Variants in FGFR2 observed in about 807,000 individuals in gnomAD.
FGFR2 encodes the protein fibroblast growth factor receptor 2.
A neutral mutation model predicts 95.9 loss-of-function variants in FGFR2; 19 were observed. That is an observed-to-expected ratio of 0.20 (90% CI 0.14 to 0.29). The LOEUF (loss-of-function observed/expected upper bound fraction) is 0.29. Among genes scored for constraint, FGFR2 ranks in the 10% least tolerant of loss-of-function variants. The pLI is 1.00. For missense variants in FGFR2, 707 were observed against 1,056.9 expected (o/e 0.67, Z 4.59); for synonymous variants, 392 against 393.3 (o/e 1.00, Z 0.04).
intron 5 of FGFR2, among the ~76,000 whole-genome samples, chr10:121,540,287 C>T (rs1023592819): frequency 5.3e-5 from 8 of 152,168 alleles, no homozygotes; most frequent in African/African-American, 1.7e-4. Flanking sequence ...AATGAATCTA[C>T]GGGCATCTGA....
At chr10:121,545,269 T>C (rs1854335113) in intron 5 of FGFR2, among the ~76,000 whole-genome samples, 1 of 152,224 alleles carries the variant, frequency 6.6e-6, no homozygotes, top group African/African-American at 2.4e-5. Flanking sequence ...GCCATTACTT[T>C]CATTATGTTT....
At position 121,560,615 on chromosome 10, in the gene FGFR2, C is replaced by CAAAAAAAA. The variant is rs34753296; in HGVS notation, c.454+3879_454+3886dup. 4.2e-4 allele frequency among the ~76,000 whole-genome samples: 22 copies of CAAAAAAAA among 51,816 alleles called. 1 individual carries two copies. Among genetic ancestry groups the CAAAAAAAA allele is most frequent in the African/African-American group, 1.4e-3 (20 of 14,518 alleles). 34.0% of individuals were successfully genotyped at this position (51,816 alleles called of 152,430 possible). A position where few individuals can be genotyped will look rare whatever the true frequency, so the allele number is the denominator to read the frequency against. On this transcript the variant is annotated intron_variant, in intron 4 of 17. Transcript: ENST00000358487. ...GGGCAACAGAGCAAGACTCCGTCCC[C>CAAAAAAAA]AAAAAAAAAAAAAAAAAAAAAAAAA...
chr10:121,525,627 GAGA>G (rs879403539), intron 6 of FGFR2, among the ~76,000 whole-genome samples: 352 of 4,670 alleles, frequency 0.075, 6 homozygotes, highest in East Asian at 0.52. Context: ...TATTGAGGGA[GAGA>G]GAGAGAGAGA....
chr10:121,581,959 G>GTCTC (rs1860997677), intron 2 of FGFR2, among the ~76,000 whole-genome samples: 1 of 149,170 alleles, frequency 6.7e-6, no homozygotes, highest in Admixed American at 6.7e-5. Context: ...TTGAGACAGA[G>GTCTC]TCTCACCCTG....
intron 17 of FGFR2, among the ~76,000 whole-genome samples, chr10:121,480,843 C>T (rs369489498): frequency 1.1e-4 from 17 of 151,850 alleles, no homozygotes; most frequent in African/African-American, 3.6e-4. Flanking sequence ...ACACTTCCTC[C>T]GACTTGGGTG....
At chr10:121,519,817 T>C (rs777695606) in intron 7 of FGFR2, 162 bp downstream of exon 7, 8 of 654,218 alleles carry the variant, frequency 1.2e-5, no homozygotes, top group Non-Finnish European at 2.1e-5. Context: ...GAAATTCTAC[T>C]AGCAAGTGTA....
At chr10:121,514,713 T>C (rs1255632052) in intron 9 of FGFR2, among the ~76,000 whole-genome samples, 5 of 152,202 alleles carry the variant, frequency 3.3e-5, no homozygotes, top group African/African-American at 1.2e-4. Context: ...TTCGTACTAG[T>C]GGCATAAGTC....
chr10:121,564,379 G>A (rs570583096), intron 4 of FGFR2, 123 bp downstream of exon 4: 58 of 861,802 alleles, frequency 6.7e-5, no homozygotes, highest in East Asian at 1.7e-4. Context: ...TAGACACAGC[G>A]GGGAAAGGCA....
At position 121,517,941 on chromosome 10, in the gene FGFR2, T is replaced by C. The variant is rs186111141; in HGVS notation, c.940-478A>G. 13 of 379,230 alleles carry C rather than the reference T, an allele frequency of 3.4e-5. No homozygotes were observed. The highest frequency in any genetic ancestry group is 1.5e-4 in the Admixed American group (4 of 26,602). 23.5% of individuals were successfully genotyped at this position (379,230 alleles called of 1,614,324 possible). Reference sequence around the variant, plus strand: ...ATCCTCCTGGCCCTGTGGGAACCAATTGGGGTGGAAGGTTGTCTTGGTTAC... The same window carrying C: ...ATCCTCCTGGCCCTGTGGGAACCAACTGGGGTGGAAGGTTGTCTTGGTTAC... On this transcript the variant is annotated intron_variant, in intron 7 of 17. Transcript: ENST00000358487. The surrounding 1 kb of genome is among the most constrained non-coding windows in gnomAD (Gnocchi z 4.7).
At chr10:121,480,867 T>C (rs571938506) in intron 17 of FGFR2, among the ~76,000 whole-genome samples, 2 of 152,198 alleles carry the variant, frequency 1.3e-5, no homozygotes, top group African/African-American at 2.4e-5. Flanking sequence ...ACAGACGACT[T>C]TGTATGGCCT....
rs965758715 is a variant in FGFR2, at chr10:121,482,465, A to C, written c.2301+1233T>G. ...AAAATCACTCTAAAACTATTTCCTA[A>C]ATCAGAAATTAAGTGTATTATTTTC... is the stretch of plus-strand genomic sequence containing the variant. On this transcript the variant is annotated intron_variant, in intron 17 of 17. Coordinates refer to ENST00000358487, the MANE Select transcript of FGFR2 (RefSeq NM_000141.5). Among the ~76,000 whole-genome samples, 4 of 152,194 alleles carry C rather than the reference A, an allele frequency of 2.6e-5. 1 individual carries two copies. The highest frequency in any genetic ancestry group is 2.0e-4 in the Admixed American group (3 of 15,286).
chr10:121,578,950 T>C (rs1311400403), intron 2 of FGFR2, among the ~76,000 whole-genome samples: 1 of 152,218 alleles, frequency 6.6e-6, no homozygotes, highest in Non-Finnish European at 1.5e-5. Context: ...TCAGTAGGCC[T>C]GCAGGTGCGG....
chr10:121,479,574 T>G lies in FGFR2; in HGVS notation c.*283A>C, dbSNP rs1158139448. On this transcript the variant is annotated 3_prime_UTR_variant, in exon 18 of 18. Transcript: ENST00000358487. ...AAGGAAGGCAGAACGCACGTCCACC[T>G]TGAGTCCTACTGGTCCACAGCCAGT... 1 of 1,545,526 alleles carries G rather than the reference T, an allele frequency of 6.5e-7. No homozygotes were observed. Among genetic ancestry groups the G allele is most frequent in the Admixed American group, 2.0e-5 (1 of 50,156 alleles).
At chr10:121,538,903 AC>A (rs1853268011) in intron 5 of FGFR2, among the ~76,000 whole-genome samples, 188 bp from the exon 6 acceptor site, 1 of 152,216 alleles carries the variant, frequency 6.6e-6, no homozygotes, top group Non-Finnish European at 1.5e-5. Flanking sequence ...CATGGTGAAC[AC>A]CTGTGAAGCA....
intron 2 of FGFR2, among the ~76,000 whole-genome samples, chr10:121,592,316 C>T (rs1862775621): frequency 6.6e-6 from 1 of 152,182 alleles, no homozygotes; most frequent in Non-Finnish European, 1.5e-5. Context: ...TTACACTCAT[C>T]CTGGTGTCCC....
intron 9 of FGFR2, among the ~76,000 whole-genome samples, chr10:121,506,503 T>A (rs1432625981): frequency 1.3e-5 from 2 of 152,062 alleles, no homozygotes; most frequent in Non-Finnish European, 2.9e-5. Context: ...GATTCCACTA[T>A]GGGGTGCATA....
chr10:121,530,941 C>G (rs911268721), intron 6 of FGFR2, among the ~76,000 whole-genome samples: 7 of 152,184 alleles, frequency 4.6e-5, no homozygotes, highest in Non-Finnish European at 1.0e-4. Context: ...TCACCTGAAT[C>G]TCCAGGTAAC....
intron 5 of FGFR2, among the ~76,000 whole-genome samples, chr10:121,551,048 G>A (rs777344241): frequency 1.3e-5 from 2 of 151,966 alleles, no homozygotes; most frequent in African/African-American, 4.8e-5. Flanking sequence ...GTGAAACCCC[G>A]TCTCTGCTAC....
chr10:121,540,688 T>C (rs993398816), intron 5 of FGFR2, among the ~76,000 whole-genome samples: 1 of 152,122 alleles, frequency 6.6e-6, no homozygotes, highest in African/African-American at 2.4e-5. Flanking sequence ...GCAGGTAACT[T>C]AGGGATGTAG....
Sources: allele counts gnomAD v4.1 joint callset (sites outside exome capture counted in the v4.1 genomes callset), GRCh38; gene constraint gnomAD v4.1.1; non-coding constraint Gnocchi (gnomAD v3.1); transcripts MANE v1.5; gene names NCBI Gene and HGNC (gene_info 2026-07-23, HGNC 2026-07-21).